The following PTP4A2 variants were observed in gnomAD, a reference collection of about 807,000 sequenced individuals.
The protein encoded by PTP4A2 is protein tyrosine phosphatase 4A2, also known as protein tyrosine phosphatase type IVA 2.
In PTP4A2, 2 loss-of-function variants were observed where a neutral mutation model predicts 22.9. The ratio of observed to expected loss-of-function variants is 0.09; its 90% CI spans 0.04 to 0.27. The LOEUF is 0.27. Among genes scored for constraint, PTP4A2 ranks in the 10% least tolerant of loss-of-function variants. The pLI is 1.00. For missense variants in PTP4A2, 103 were observed against 205.1 expected, an observed-to-expected ratio of 0.50 and a Z score of 3.04; for synonymous variants, 68 against 69.1, an observed-to-expected ratio of 0.98 and a Z score of 0.08.
Position 31,922,223 on chromosome 1 carries a change from G to A in PTP4A2, c.-593-2565C>T, listed in dbSNP as rs575926218. Among the ~76,000 whole-genome samples the A allele has an allele frequency of 5.9e-5, 9 of 152,334 alleles. No individual in the cohort carries two copies. The South Asian group carries it at 1.4e-3, about 25-fold the overall frequency. ...AAGTTGGCCGGGCGTGATGGCTCACGCCTGTATCTCAGCACTTTGGTAGGC... is the reference window on the plus strand; with the variant it reads ...AAGTTGGCCGGGCGTGATGGCTCACACCTGTATCTCAGCACTTTGGTAGGC... On this transcript the variant is annotated intron_variant, in intron 1 of 5. Transcript: ENST00000647444.
At chr1:31,937,564 CCA>C (rs1437685737) in intron 1 of PTP4A2, among the ~76,000 whole-genome samples, 6 of 151,196 alleles carry the variant, frequency 4.0e-5, no homozygotes, top group Non-Finnish European at 8.9e-5. Flanking sequence ...CCGCTCTTTA[CCA>C]CACTCTCAAC....
In PTP4A2 at chr1:31,926,153, T is replaced by A. The variant is rs867467162; in HGVS notation, c.-593-6495A>T. ...AAAAAATTAAAAAAAAAAAAAAATA[T>A]ATATATATATATATATTTATCTCTC... On this transcript the variant is annotated intron_variant, in intron 1 of 5. Coordinates refer to ENST00000647444, the MANE Select transcript of PTP4A2 (RefSeq NM_080391.4). 3.1e-3 allele frequency among the ~76,000 whole-genome samples: 447 copies of A among 143,388 alleles called. 2 individuals carry two copies. The highest frequency in any genetic ancestry group is 0.01 in the African/African-American group (392 of 38,828). 94.1% of individuals were successfully genotyped at this position (143,388 alleles called of 152,430 possible).
chr1:31,931,451 G>C (rs1366245903), intron 1 of PTP4A2, among the ~76,000 whole-genome samples: 7 of 152,162 alleles, frequency 4.6e-5, no homozygotes, highest in Non-Finnish European at 1.0e-4. Context: ...TGGTAAGAGA[G>C]CAACTCTTTG....
chr1:31,923,239 C>T (rs1178632514), intron 1 of PTP4A2, among the ~76,000 whole-genome samples: 3 of 151,468 alleles, frequency 2.0e-5, no homozygotes. Flanking sequence ...CAGGGTCTTG[C>T]TCTATCGCCC....
chr1:31,926,149 A>AAAATATATATATATAT (rs59088489), intron 1 of PTP4A2, among the ~76,000 whole-genome samples: 22 of 131,340 alleles, frequency 1.7e-4, no homozygotes, highest in Admixed American at 9.3e-4. Context: ...AAAAAAAAAA[A>AAAATATATATATATAT]ATATATATAT....
intron 4 of PTP4A2, 102 bp from the exon 5 acceptor site, chr1:31,910,214 T>C: frequency 1.3e-6 from 1 of 785,760 alleles, no homozygotes; most frequent in African/African-American, 1.7e-5. Flanking sequence ...TGAGCTTTCT[T>C]TTTCCTGTAT....
In PTP4A2 at chr1:31,919,374, G is replaced by C; in HGVS notation, c.-309C>G. ...ACTTAAGCAGCCTTTACTACATTTAGGCACTAGTGAGACAAGTTAAAAGTG... is the reference window on the plus strand; with the variant it reads ...ACTTAAGCAGCCTTTACTACATTTACGCACTAGTGAGACAAGTTAAAAGTG... On this transcript the variant is annotated 5_prime_UTR_variant, in exon 2 of 6. Coordinates refer to ENST00000647444, the MANE Select transcript of PTP4A2 (RefSeq NM_080391.4). The C allele has an allele frequency of 5.8e-6, 1 of 173,658 alleles. No homozygotes were observed. Among genetic ancestry groups the C allele is most frequent in the South Asian group, 1.3e-4 (1 of 7,878 alleles). 10.8% of individuals were successfully genotyped at this position (173,658 alleles called of 1,614,324 possible). A position where few individuals can be genotyped will look rare whatever the true frequency, so the allele number is the denominator to read the frequency against.
intron 1 of PTP4A2, among the ~76,000 whole-genome samples, chr1:31,935,839 A>AT (rs1446215144): frequency 5.3e-5 from 8 of 151,560 alleles, no homozygotes; most frequent in Middle Eastern, 3.2e-3. Flanking sequence ...CTTTCTTCTT[A>AT]TTTTTTTTGA....
chr1:31,909,233 T>C (rs1651402833), intron 5 of PTP4A2, among the ~76,000 whole-genome samples: 2 of 152,168 alleles, frequency 1.3e-5, no homozygotes, highest in African/African-American at 4.8e-5. Context: ...TTTTCTTTTT[T>C]TAAAGGAAGG....
chr1:31,911,432 T>C (rs1651529217), intron 4 of PTP4A2, among the ~76,000 whole-genome samples: 1 of 152,224 alleles, frequency 6.6e-6, no homozygotes, highest in Non-Finnish European at 1.5e-5. Context: ...CCAATTTCAG[T>C]GACCTGAACT....
intron 1 of PTP4A2, among the ~76,000 whole-genome samples, chr1:31,923,365 T>C (rs375902195): frequency 0.012 from 1,742 of 143,366 alleles, 39 homozygotes; most frequent in African/African-American, 0.041. Context: ...GACGGAGTCT[T>C]GCTCTGTCGC....
chr1:31,909,023 G>A, intron 5 of PTP4A2, 63 bp from the exon 6 acceptor site: 1 of 1,186,622 alleles, frequency 8.4e-7, no homozygotes, highest in Non-Finnish European at 1.3e-6. Flanking sequence ...TCACTGAAAT[G>A]CATTATTTAC....
intron 1 of PTP4A2, among the ~76,000 whole-genome samples, chr1:31,924,823 A>C (rs1288558330): frequency 6.6e-6 from 1 of 152,226 alleles, no homozygotes; most frequent in Non-Finnish European, 1.5e-5. Flanking sequence ...AAAAGAATAC[A>C]ACTTCAATGA....
intron 2 of PTP4A2, among the ~76,000 whole-genome samples, chr1:31,916,372 A>G (rs1351085414): frequency 6.9e-6 from 1 of 145,514 alleles, no homozygotes; most frequent in East Asian, 1.9e-4. Flanking sequence ...AAAAAAAAAA[A>G]GAAATCTACT....
intron 1 of PTP4A2, chr1:31,932,524 C>T (rs1215502654): frequency 6.6e-6 from 1 of 152,110 alleles, no homozygotes; most frequent in Non-Finnish European, 1.5e-5. Context: ...TCAGTATAGG[C>T]AAACAAAAAC....
chr1:31,926,170 T>TATATATATATA (rs1652454804), intron 1 of PTP4A2, among the ~76,000 whole-genome samples: 1 of 144,602 alleles, frequency 6.9e-6, no homozygotes, highest in Non-Finnish European at 1.5e-5. Flanking sequence ...ATATATATAT[T>TATATATATATA]TATCTCTCCT....
chr1:31,908,118 AT>A lies in PTP4A2; in HGVS notation c.*733del. The A allele has an allele frequency of 2.8e-4, 1 of 3,554 alleles. No individual in the cohort carries two copies. The highest frequency in any genetic ancestry group is 9.6e-4 in the African/African-American group (1 of 1,046). The allele number at this position is 3,554 out of a possible 1,614,324, so 0.2% of individuals were successfully genotyped here. A position where few individuals can be genotyped will look rare whatever the true frequency, so the allele number is the denominator to read the frequency against. ...AGACTAAAAACCACCTGGAAAATAT[AT>A]ATATATATATATATATTATATTATA... On this transcript the variant is annotated 3_prime_UTR_variant, in exon 6 of 6. Transcript: ENST00000647444.
intron 2 of PTP4A2, among the ~76,000 whole-genome samples, chr1:31,916,615 A>C (rs569079804): frequency 6.6e-6 from 1 of 152,258 alleles, no homozygotes; most frequent in South Asian, 2.1e-4. Flanking sequence ...AGACATATAC[A>C]AATATTTAGG....
chr1:31,926,149 AATAT>A (rs1553212254), intron 1 of PTP4A2, among the ~76,000 whole-genome samples: 9 of 131,334 alleles, frequency 6.9e-5, no homozygotes, highest in Non-Finnish European at 1.3e-4. Context: ...AAAAAAAAAA[AATAT>A]ATATATATAT....
Sources: allele counts gnomAD v4.1 joint callset (sites outside exome capture counted in the v4.1 genomes callset), GRCh38; gene constraint gnomAD v4.1.1; transcripts MANE v1.5; gene names NCBI Gene and HGNC (gene_info 2026-07-23, HGNC 2026-07-21).